The following DLGAP1 variants were observed in gnomAD, a reference collection of about 807,000 sequenced individuals.
DLGAP1 encodes the protein DLG associated protein 1.
Under a neutral mutation model 90.8 loss-of-function variants are expected in DLGAP1, and 11 were observed. That is an observed-to-expected ratio of 0.12 (90% CI 0.08 to 0.20). The LOEUF is 0.20. Ranked by LOEUF, DLGAP1 falls within the 10% of genes least tolerant of loss-of-function variation. The pLI, the probability that DLGAP1 is intolerant of heterozygous loss-of-function variation, is 1.00. For missense variants in DLGAP1, 1,050 were observed against 1,333.8 expected, an observed-to-expected ratio of 0.79 and a Z score of 3.31; for synonymous variants, 558 against 540.7, an observed-to-expected ratio of 1.03 and a Z score of -0.44.
At chr18:4,421,360 C>A (rs2083024674) in intron 1 of DLGAP1, among the ~76,000 whole-genome samples, 1 of 152,072 alleles carries the variant, frequency 6.6e-6, no homozygotes, top group Admixed American at 6.6e-5. Context: ...ACACTTAAGG[C>A]CCACACAGAG....
chr18:4,002,997 C>G (rs940614306), intron 3 of DLGAP1, among the ~76,000 whole-genome samples: 1 of 152,192 alleles, frequency 6.6e-6, no homozygotes, highest in Non-Finnish European at 1.5e-5. Context: ...GATTGTCCAT[C>G]TGAAGTGCTC....
chr18:3,530,908 G>A (rs942739025), intron 10 of DLGAP1, among the ~76,000 whole-genome samples: 1 of 152,178 alleles, frequency 6.6e-6, no homozygotes, highest in South Asian at 2.1e-4. Context: ...AAAGGCAAGC[G>A]ATAAGCTAGT....
chr18:4,088,455 C>G (rs1204485296), intron 2 of DLGAP1, among the ~76,000 whole-genome samples: 2 of 147,012 alleles, frequency 1.4e-5, no homozygotes, highest in African/African-American at 2.5e-5. Flanking sequence ...GTGTGTGTGT[C>G]TGTATACATT....
intron 7 of DLGAP1, among the ~76,000 whole-genome samples, chr18:3,683,226 TAC>T (rs2060582591): frequency 6.6e-6 from 1 of 152,094 alleles, no homozygotes; most frequent in Admixed American, 6.5e-5. Context: ...ACTGATCAGT[TAC>T]AGAGAAGGAG....
chr18:4,224,676 C>T (rs936146310), intron 1 of DLGAP1, among the ~76,000 whole-genome samples: 2 of 150,684 alleles, frequency 1.3e-5, no homozygotes, highest in Admixed American at 1.3e-4. Context: ...AGCTCAGCCA[C>T]AGTGGAATAG....
At chr18:3,702,205 C>G (rs191220900) in intron 7 of DLGAP1, among the ~76,000 whole-genome samples, 1 of 152,128 alleles carries the variant, frequency 6.6e-6, no homozygotes, top group African/African-American at 2.4e-5. Context: ...GCGTCTGCCA[C>G]CACGCCCGGC....
chr18:4,358,931 T>C lies in DLGAP1; in HGVS notation c.-267+96075A>G, dbSNP rs1212602401. On this transcript the variant is annotated intron_variant, in intron 1 of 12. Transcript: ENST00000315677. ...GTTAGTAATAGACCTGACAGTCCGT[T>C]CTCCATGTGTTTAACTCTTTTGTCT... is the stretch of plus-strand genomic sequence containing the variant. Among the ~76,000 whole-genome samples, 3 of 152,222 alleles carry C rather than the reference T, an allele frequency of 2.0e-5. No homozygotes were observed. The East Asian group carries it at 5.8e-4, about 29-fold the overall frequency.
chr18:3,932,990 G>A (rs1225561211), intron 3 of DLGAP1, among the ~76,000 whole-genome samples: 2 of 152,156 alleles, frequency 1.3e-5, no homozygotes, highest in Non-Finnish European at 2.9e-5. Flanking sequence ...GGTTCAGCTT[G>A]CTGTCCAAAC....
chr18:3,797,332 A>G (rs71358028), intron 5 of DLGAP1, among the ~76,000 whole-genome samples: 15,933 of 151,758 alleles, frequency 0.1, 1,458 homozygotes, highest in East Asian at 0.39. Flanking sequence ...CAGGAAAAAA[A>G]AAAAAAAAGA....
intron 5 of DLGAP1, among the ~76,000 whole-genome samples, chr18:3,743,005 C>T (rs2063124530): frequency 6.6e-6 from 1 of 150,394 alleles, no homozygotes; most frequent in South Asian, 2.1e-4. Context: ...ATCTTTAACT[C>T]TCTAATATAG....
At position 4,454,828 on chromosome 18, in the gene DLGAP1, G is replaced by C. The variant is rs1303379353; in HGVS notation, c.-267+178C>G. On this transcript the variant is annotated intron_variant, in intron 1 of 12. Coordinates refer to ENST00000315677, the MANE Select transcript of DLGAP1 (RefSeq NM_004746.4). The surrounding 1 kb of genome is among the most constrained non-coding windows in gnomAD (Gnocchi z 4.7). ...GAGGGCCCGGGAGTGCACCCCGGGCGGCTGAAAGGGTAAGGAGCGCGGACT... is the reference window on the plus strand; with the variant it reads ...GAGGGCCCGGGAGTGCACCCCGGGCCGCTGAAAGGGTAAGGAGCGCGGACT... Among the ~76,000 whole-genome samples the C allele has an allele frequency of 2.6e-5, 4 of 151,696 alleles. No homozygotes were observed. Among genetic ancestry groups the C allele is most frequent in the Admixed American group, 2.6e-4 (4 of 15,272 alleles).
intron 7 of DLGAP1, among the ~76,000 whole-genome samples, chr18:3,587,671 T>G (rs1408960254): frequency 6.6e-6 from 1 of 152,200 alleles, no homozygotes; most frequent in Non-Finnish European, 1.5e-5. Context: ...TGCTGCTCAC[T>G]CTTTGGGTCC....
intron 7 of DLGAP1, among the ~76,000 whole-genome samples, chr18:3,677,319 T>G (rs73940207): frequency 0.032 from 4,926 of 152,332 alleles, 284 homozygotes; most frequent in African/African-American, 0.11. Flanking sequence ...TTGTGAACAC[T>G]AGCCTGGCTC....
intron 2 of DLGAP1, among the ~76,000 whole-genome samples, chr18:4,057,034 CACACACACACA>C (rs2075229530): frequency 6.7e-6 from 1 of 150,354 alleles, no homozygotes; most frequent in South Asian, 2.1e-4. Flanking sequence ...CACACACACA[CACACACACACA>C]CACACACACA....
intron 7 of DLGAP1, among the ~76,000 whole-genome samples, chr18:3,610,223 G>A (rs1370922617): frequency 6.6e-6 from 1 of 152,118 alleles, no homozygotes; most frequent in African/African-American, 2.4e-5. Flanking sequence ...AGGGCCCACA[G>A]GCAGGAATAG....
At chr18:3,575,429 C>A (rs1001760360) in intron 8 of DLGAP1, among the ~76,000 whole-genome samples, 2 of 152,104 alleles carry the variant, frequency 1.3e-5, no homozygotes, top group African/African-American at 4.8e-5. Context: ...ATATGGAAAT[C>A]ATAATGTACC....
chr18:3,906,670 A>G (rs907274814), intron 3 of DLGAP1, among the ~76,000 whole-genome samples: 8 of 152,370 alleles, frequency 5.3e-5, no homozygotes, highest in Middle Eastern at 6.8e-3. Context: ...TTGGATAGAC[A>G]TGAGCTGTTA....
intron 7 of DLGAP1, among the ~76,000 whole-genome samples, chr18:3,697,015 T>C (rs546703018): frequency 6.6e-6 from 1 of 152,322 alleles, no homozygotes; most frequent in Admixed American, 6.5e-5. Flanking sequence ...TCATGGTAGT[T>C]TGTATTTCTG....
intron 7 of DLGAP1, among the ~76,000 whole-genome samples, chr18:3,706,778 T>C (rs1345852034): frequency 1.3e-5 from 2 of 151,178 alleles, no homozygotes; most frequent in African/African-American, 4.9e-5. Flanking sequence ...CAGAAGGGTA[T>C]GTTGACTTAC....
Sources: allele counts gnomAD v4.1 joint callset (sites outside exome capture counted in the v4.1 genomes callset), GRCh38; gene constraint gnomAD v4.1.1; non-coding constraint Gnocchi (gnomAD v3.1); transcripts MANE v1.5; gene names NCBI Gene and HGNC (gene_info 2026-07-23, HGNC 2026-07-21).